PHACTR1: variants seen among roughly 807,000 people sequenced by gnomAD.
PHACTR1 encodes the protein phosphatase and actin regulator 1.
In PHACTR1, 16 loss-of-function variants were observed where a neutral mutation model predicts 69.2. The ratio of observed to expected loss-of-function variants is 0.23; its 90% CI spans 0.16 to 0.35. PHACTR1 has a LOEUF of 0.35. Among genes scored for constraint, PHACTR1 ranks in the 10% least tolerant of loss-of-function variants. The pLI, the probability that PHACTR1 is intolerant of heterozygous loss-of-function variation, is 1.00. For missense variants in PHACTR1, 510 were observed against 734.7 expected (o/e 0.69, Z 3.54); for synonymous variants, 312 against 284.5 (o/e 1.10, Z -0.97).
chr6:13,237,105 A>G (rs1772111217), intron 10 of PHACTR1, among the ~76,000 whole-genome samples: 1 of 152,236 alleles, frequency 6.6e-6, no homozygotes, highest in Admixed American at 6.5e-5. Flanking sequence ...GGACTGGCAC[A>G]GTGGCTCATG....
intron 4 of PHACTR1, among the ~76,000 whole-genome samples, chr6:12,952,795 T>C (rs1791446021): frequency 6.6e-6 from 1 of 152,216 alleles, no homozygotes; most frequent in Non-Finnish European, 1.5e-5. Flanking sequence ...CAAATTGTCT[T>C]CCAAAGTGTC....
At chr6:12,745,937 G>A (rs904006445) in intron 3 of PHACTR1, among the ~76,000 whole-genome samples, 9 of 152,158 alleles carry the variant, frequency 5.9e-5, no homozygotes, top group Non-Finnish European at 8.8e-5. Flanking sequence ...TACCCCTAGC[G>A]CTCTTCCACT....
chr6:13,253,709 C>T (rs1774806588), intron 10 of PHACTR1, among the ~76,000 whole-genome samples: 2 of 152,160 alleles, frequency 1.3e-5, no homozygotes, highest in African/African-American at 4.8e-5. Flanking sequence ...CCTAAGCATG[C>T]CCACAGTGGT....
intron 3 of PHACTR1, among the ~76,000 whole-genome samples, chr6:12,740,231 G>T (rs1212613430): frequency 6.6e-6 from 1 of 152,060 alleles, no homozygotes; most frequent in East Asian, 1.9e-4. Context: ...CCTGTTGATG[G>T]ATTGTTCCCA....
At chr6:12,742,807 G>A (rs760913972) in intron 3 of PHACTR1, among the ~76,000 whole-genome samples, 89 of 152,108 alleles carry the variant, frequency 5.9e-4, no homozygotes, top group Non-Finnish European at 2.6e-4. Flanking sequence ...CAGTTACAAA[G>A]CATACATATG....
intron 4 of PHACTR1, among the ~76,000 whole-genome samples, chr6:12,806,865 C>G (rs193034250): frequency 1.3e-5 from 2 of 152,264 alleles, no homozygotes; most frequent in East Asian, 3.9e-4. Flanking sequence ...GCCAGCAGGA[C>G]ATATATTTTC....
intron 5 of PHACTR1, among the ~76,000 whole-genome samples, chr6:13,151,096 T>G (rs528152474): frequency 2.8e-4 from 43 of 152,324 alleles, no homozygotes; most frequent in African/African-American, 9.1e-4. Flanking sequence ...GTTGTAAGAT[T>G]TACAAAGGAT....
intron 4 of PHACTR1, among the ~76,000 whole-genome samples, chr6:12,918,855 C>T (rs1246035846): frequency 6.6e-6 from 1 of 152,234 alleles, no homozygotes; most frequent in Non-Finnish European, 1.5e-5. Context: ...ACCATTCGTT[C>T]AGATCACCTG....
At chr6:12,837,527 A>G (rs1778279326) in intron 4 of PHACTR1, among the ~76,000 whole-genome samples, 1 of 152,212 alleles carries the variant, frequency 6.6e-6, no homozygotes, top group Non-Finnish European at 1.5e-5. Context: ...GATATCTAGC[A>G]TCTTTTCCAT....
intron 8 of PHACTR1, among the ~76,000 whole-genome samples, chr6:13,224,035 C>T (rs377519277): frequency 6.6e-6 from 1 of 152,178 alleles, no homozygotes; most frequent in Non-Finnish European, 1.5e-5. Context: ...TTGCTGACTG[C>T]TTACAAATAT....
At chr6:13,209,714 G>T (rs770465999) in intron 8 of PHACTR1, among the ~76,000 whole-genome samples, 1 of 152,122 alleles carries the variant, frequency 6.6e-6, no homozygotes, top group Admixed American at 6.5e-5. Context: ...TTTATCCTCT[G>T]GTCTCTGCTC....
chr6:12,781,938 C>G (rs1056902864), intron 4 of PHACTR1, among the ~76,000 whole-genome samples: 7 of 152,190 alleles, frequency 4.6e-5, no homozygotes, highest in Admixed American at 4.6e-4. Context: ...ATCTCTGTCA[C>G]TCAAACGATG....
At chr6:13,243,333 C>G (rs1773129273) in intron 10 of PHACTR1, among the ~76,000 whole-genome samples, 1 of 151,024 alleles carries the variant, frequency 6.6e-6, no homozygotes, top group Non-Finnish European at 1.5e-5. Flanking sequence ...AAAGATGTGT[C>G]ATTTCTCTCA....
At chr6:12,864,539 T>G (rs1317482665) in intron 4 of PHACTR1, among the ~76,000 whole-genome samples, 5 of 151,956 alleles carry the variant, frequency 3.3e-5, no homozygotes, top group Admixed American at 3.3e-4. Context: ...AATTAGCCGG[T>G]CATGGTGGTG....
chr6:13,146,846 G>A (rs1004792056), intron 5 of PHACTR1, among the ~76,000 whole-genome samples: 1 of 152,142 alleles, frequency 6.6e-6, no homozygotes, highest in Non-Finnish European at 1.5e-5. Context: ...TTTTATTCCT[G>A]GGGGGAGTGT....
intron 4 of PHACTR1, among the ~76,000 whole-genome samples, chr6:12,789,645 G>A (rs1280104791): frequency 2.0e-5 from 3 of 151,836 alleles, no homozygotes; most frequent in Non-Finnish European, 2.9e-5. Flanking sequence ...ACCATAATTT[G>A]CCCCACCCTC....
At chr6:12,821,479 AAAAAAGAG>A (rs1301613397) in intron 4 of PHACTR1, among the ~76,000 whole-genome samples, 1 of 92,248 alleles carries the variant, frequency 1.1e-5, no homozygotes, top group African/African-American at 3.9e-5. Flanking sequence ...AAAAAAAAAA[AAAAAAGAG>A]AGAGAGAGAG....
At position 13,287,169 on chromosome 6, in the gene PHACTR1, A is replaced by G. The variant is rs1160152187; in HGVS notation, c.*91A>G. ...GGTATTTATTCACTTCCCCATTACG[A>G]TGTAAATCTTCTGAACTGCCTTTTT... On this transcript the variant is annotated 3_prime_UTR_variant, in exon 15 of 15. Transcript: ENST00000332995. 3.8e-5 allele frequency: 47 copies of G among 1,246,722 alleles called. No individual in the cohort carries two copies. Among genetic ancestry groups the G allele is most frequent in the Non-Finnish European group, 5.2e-5 (46 of 888,212 alleles). 77.2% of individuals were successfully genotyped at this position (1,246,722 alleles called of 1,614,324 possible). A position where few individuals can be genotyped will look rare whatever the true frequency, so the allele number is the denominator to read the frequency against.
chr6:13,146,842 T>A (rs1823428015), intron 5 of PHACTR1, among the ~76,000 whole-genome samples: 1 of 152,204 alleles, frequency 6.6e-6, no homozygotes, highest in African/African-American at 2.4e-5. Flanking sequence ...TTCTTTTTAT[T>A]CCTGGGGGGA....
Sources: gnomAD v4.1 joint callset for allele counts (sites outside exome capture counted in the v4.1 genomes callset) on GRCh38, gnomAD v4.1.1 for gene constraint, MANE v1.5 for transcripts, NCBI Gene and HGNC (gene_info 2026-07-23, HGNC 2026-07-21) for gene names.